Variants in STAT5B observed in about 807,000 individuals in gnomAD.
The protein encoded by STAT5B is signal transducer and activator of transcription 5B, also known as transcription factor STAT5B.
Under a neutral mutation model 107.8 loss-of-function variants are expected in STAT5B, and 21 were observed. The ratio of observed to expected loss-of-function variants is 0.19; its 90% CI spans 0.14 to 0.28. The LOEUF (loss-of-function observed/expected upper bound fraction) is 0.28, where lower values mean the gene tolerates loss of function less well. STAT5B is among the 10% of genes least tolerant of loss of function. STAT5B has a pLI of 1.00. For missense variants in STAT5B, 565 were observed against 1,008.2 expected, an observed-to-expected ratio of 0.56 and a Z score of 5.95; for synonymous variants, 325 against 401.7, an observed-to-expected ratio of 0.81 and a Z score of 2.28.
chr17:42,274,805 A>G (rs1416605129), intron 1 of STAT5B: 1 of 152,236 alleles, frequency 6.6e-6, no homozygotes, highest in Non-Finnish European at 1.5e-5. Flanking sequence ...TATTACCTTA[A>G]TTGAAAGATA....
chr17:42,277,758 CTT>C (rs796461733), upstream of STAT5B, among the ~76,000 whole-genome samples: 9 of 139,832 alleles, frequency 6.4e-5, no homozygotes, highest in African/African-American at 8.0e-5. Flanking sequence ...TTTTTCTTTT[CTT>C]TTTTTTTTTT....
chr17:42,271,103 A>C (rs1243606041), intron 1 of STAT5B: 2 of 152,264 alleles, frequency 1.3e-5, no homozygotes, highest in African/African-American at 4.8e-5. Context: ...ATATCTTCCC[A>C]GGTGAGCCAT....
At chr17:42,266,329 A>C (rs1299143692) in intron 1 of STAT5B, among the ~76,000 whole-genome samples, 1 of 151,794 alleles carries the variant, frequency 6.6e-6, no homozygotes, top group Non-Finnish European at 1.5e-5. Flanking sequence ...GGACTTTGAG[A>C]CCAGCCCGGG....
intron 3 of STAT5B, 104 bp downstream of exon 3, chr17:42,227,425 C>A: frequency 2.0e-6 from 3 of 1,495,634 alleles, no homozygotes; most frequent in Middle Eastern, 2.4e-4. Flanking sequence ...ACCTTATGCA[C>A]GTGTAACTCA....
chr17:42,218,931 G>T (rs1449155303), intron 7 of STAT5B, 53 bp from the exon 8 acceptor site: 4 of 1,613,466 alleles, frequency 2.5e-6, no homozygotes, highest in Non-Finnish European at 3.4e-6. Context: ...CCGCACAGAC[G>T]CCAGGCCCCA....
In STAT5B at chr17:42,207,521, ACAC is replaced by A. The variant is rs145076987; in HGVS notation, c.2077+34_2077+36del. The A allele has an allele frequency of 0.011, 17,383 of 1,595,964 alleles. 1,325 individuals are homozygous for A. In the African/African-American group the frequency reaches 0.21, roughly 20 times the overall value. ...CACACACACACACACACACACACAC[ACAC>A]AACAAAATCAAATCAGAATGCGAAC... On this transcript the variant is annotated intron_variant, in intron 16 of 18. Transcript: ENST00000293328.
At chr17:42,232,173 T>C (rs2080322789) in intron 1 of STAT5B, 36 bp from the exon 2 acceptor site, 12 of 1,605,646 alleles carry the variant, frequency 7.5e-6, no homozygotes, top group Non-Finnish European at 1.0e-5. Flanking sequence ...GGGCGTTTTT[T>C]CTTTATTTTC....
intron 11 of STAT5B, among the ~76,000 whole-genome samples, chr17:42,216,692 CTTTT>C (rs1189393108): frequency 2.9e-5 from 4 of 138,584 alleles, no homozygotes; most frequent in South Asian, 2.3e-4. Flanking sequence ...TTGTTCATGT[CTTTT>C]TTTTTTTTTT....
intron 7 of STAT5B, 37 bp from the exon 8 acceptor site, chr17:42,218,915 G>T (rs767971846): frequency 6.2e-7 from 1 of 1,613,832 alleles, no homozygotes; most frequent in South Asian, 1.1e-5. Flanking sequence ...GAGGACAATG[G>T]CTCCTCCGCA....
intron 1 of STAT5B, among the ~76,000 whole-genome samples, chr17:42,257,341 C>T (rs546907264): frequency 6.6e-6 from 1 of 151,800 alleles, no homozygotes; most frequent in South Asian, 2.1e-4. Context: ...AAACCAGTAT[C>T]TGGGAAGAAG....
At chr17:42,247,822 G>A (rs998609810) in intron 1 of STAT5B, among the ~76,000 whole-genome samples, 9 of 152,090 alleles carry the variant, frequency 5.9e-5, no homozygotes, top group East Asian at 1.9e-4. Context: ...GTGTGGTGGC[G>A]CACACCTGTA....
At position 42,245,073 on chromosome 17, in the gene STAT5B, A is replaced by ATTTTT. The variant is rs745914040; in HGVS notation, c.-10-12941_-10-12937dup. Among the ~76,000 whole-genome samples, 885 of 105,448 alleles carry ATTTTT rather than the reference A, an allele frequency of 8.4e-3. 39 individuals are homozygous for ATTTTT. The highest frequency in any genetic ancestry group is 0.034 in the African/African-American group (832 of 24,614). The allele number at this position is 105,448 out of a possible 152,430, so 69.2% of individuals were successfully genotyped here. A position where few individuals can be genotyped will look rare whatever the true frequency, so the allele number is the denominator to read the frequency against. ...GGCATCTGCCACCAATGCCTGGCTAATTTTTTTTTTTTTTTTTTTTTTGAG... is the reference window on the plus strand; with the variant it reads ...GGCATCTGCCACCAATGCCTGGCTAATTTTTTTTTTTTTTTTTTTTTTTTTTTGAG... On this transcript the variant is annotated intron_variant, in intron 1 of 18. Transcript: ENST00000293328.
At chr17:42,260,128 T>C (rs1300544879) in intron 1 of STAT5B, among the ~76,000 whole-genome samples, 1 of 152,212 alleles carries the variant, frequency 6.6e-6, no homozygotes, top group Non-Finnish European at 1.5e-5. Context: ...GGAACTGAAT[T>C]GCAAATTTTA....
At chr17:42,248,086 A>C (rs2080466926) in intron 1 of STAT5B, among the ~76,000 whole-genome samples, 1 of 151,962 alleles carries the variant, frequency 6.6e-6, no homozygotes, top group South Asian at 2.1e-4. Context: ...AAACAAGCCT[A>C]GGCGACATAG....
intron 1 of STAT5B, among the ~76,000 whole-genome samples, chr17:42,267,246 C>T (rs1172034050): frequency 6.6e-6 from 1 of 152,082 alleles, no homozygotes; most frequent in African/African-American, 2.4e-5. Context: ...ATGTATTTAC[C>T]ATACTTTTTA....
chr17:42,265,377 C>CCTTTTTTTTTTTTTTTT (rs1555553898), intron 1 of STAT5B, among the ~76,000 whole-genome samples: 1 of 110,596 alleles, frequency 9.0e-6, no homozygotes, highest in African/African-American at 3.6e-5. Flanking sequence ...ATGTACTCTT[C>CCTTTTTTTTTTTTTTTT]TTTTTTTTTT....
intron 5 of STAT5B, 119 bp from the exon 6 acceptor site, chr17:42,219,961 G>A (rs2080210509): frequency 6.6e-7 from 1 of 1,506,566 alleles, no homozygotes; most frequent in Non-Finnish European, 8.9e-7. Flanking sequence ...TGCATTAAGG[G>A]CAAGTCGGGG....
At chr17:42,259,648 G>A (rs543207215) in intron 1 of STAT5B, among the ~76,000 whole-genome samples, 40 of 151,998 alleles carry the variant, frequency 2.6e-4, no homozygotes, top group Admixed American at 2.3e-3. Flanking sequence ...TTAGCCGGGC[G>A]TGGTGGCAGG....
upstream of STAT5B, among the ~76,000 whole-genome samples, chr17:42,278,566 A>C (rs2080781926): frequency 6.6e-6 from 1 of 152,034 alleles, no homozygotes; most frequent in Admixed American, 6.6e-5. Flanking sequence ...AAAAGGTCTC[A>C]TGGTGTGGTG....
Sources: gnomAD v4.1 joint callset for allele counts (sites outside exome capture counted in the v4.1 genomes callset) on GRCh38, gnomAD v4.1.1 for gene constraint, MANE v1.5 for transcripts, NCBI Gene and HGNC (gene_info 2026-07-23, HGNC 2026-07-21) for gene names.